STK24: variants seen among roughly 807,000 people sequenced by gnomAD.
STK24 encodes the protein serine/threonine-protein kinase 24.
STK24 carries 21 observed loss-of-function variants against 55.6 expected under a neutral mutation model. The observed-to-expected ratio is 0.38, with a 90% CI of 0.27 to 0.54. STK24 has a LOEUF of 0.54. Among genes scored for constraint, STK24 ranks in the 20% least tolerant of loss-of-function variants. The pLI is 0.79. For missense variants in STK24, 383 were observed against 538.4 expected, an observed-to-expected ratio of 0.71 and a Z score of 2.86; for synonymous variants, 200 against 215.2, an observed-to-expected ratio of 0.93 and a Z score of 0.62.
chr13:98,455,287 C>A (rs1879707626), intron 10 of STK24: 2 of 152,176 alleles, frequency 1.3e-5, no homozygotes, highest in African/African-American at 4.8e-5. Flanking sequence ...CACTCTGTTG[C>A]CCAGCCTGGA....
chr13:98,565,628 T>A lies in STK24; in HGVS notation c.42+11117A>T, dbSNP rs1256277226. The stretch of plus-strand genomic sequence containing the variant: ...GTCTGGGCACGAGAATGAGACTCCA[T>A]CTCAAAAAAAAAAAAAAAAAATTAT... On this transcript the variant is annotated intron_variant, in intron 1 of 10. Coordinates refer to ENST00000539966, the MANE Select transcript of STK24 (RefSeq NM_001032296.4). 5.6e-5 allele frequency among the ~76,000 whole-genome samples: 6 copies of A among 106,414 alleles called. No homozygotes were observed. In the East Asian group the frequency reaches 2.3e-3, roughly 40 times the overall value. The allele number at this position is 106,414 out of a possible 152,430, so 69.8% of individuals were successfully genotyped here.
intron 2 of STK24, among the ~76,000 whole-genome samples, chr13:98,485,476 C>A (rs1894770031): frequency 6.6e-6 from 1 of 152,180 alleles, no homozygotes; most frequent in South Asian, 2.1e-4. Flanking sequence ...ATATCTCAGG[C>A]ACTGATCTTA....
At chr13:98,487,765 C>T (rs1894861628) in intron 2 of STK24, among the ~76,000 whole-genome samples, 1 of 152,076 alleles carries the variant, frequency 6.6e-6, no homozygotes, top group African/African-American at 2.4e-5. Context: ...TTCGCTCTGA[C>T]GGCCCAGGTG....
chr13:98,458,139 T>C (rs988826122), intron 9 of STK24, among the ~76,000 whole-genome samples: 1 of 152,198 alleles, frequency 6.6e-6, no homozygotes, highest in African/African-American at 2.4e-5. Flanking sequence ...GAATCTCCAG[T>C]GTTCTTCCTG....
chr13:98,543,206 C>G (rs1594656374), intron 1 of STK24, among the ~76,000 whole-genome samples: 1 of 152,110 alleles, frequency 6.6e-6, no homozygotes, highest in Non-Finnish European at 1.5e-5. Flanking sequence ...AAAAAGAGAA[C>G]TAAACACTTG....
intron 2 of STK24, among the ~76,000 whole-genome samples, chr13:98,483,474 A>C (rs1594598521): frequency 6.6e-6 from 1 of 152,048 alleles, no homozygotes; most frequent in South Asian, 2.1e-4. Flanking sequence ...TAGAACACCC[A>C]AGGAAGACCC....
chr13:98,496,090 C>T (rs572754329), intron 2 of STK24, among the ~76,000 whole-genome samples: 1 of 152,372 alleles, frequency 6.6e-6, no homozygotes, highest in East Asian at 1.9e-4. Context: ...GCCCTACACT[C>T]ATGCGGGAGG....
intron 2 of STK24, among the ~76,000 whole-genome samples, chr13:98,501,055 G>A (rs1895439614): frequency 6.6e-6 from 1 of 152,036 alleles, no homozygotes. Context: ...GGAAAAAAAG[G>A]GAAACCACAA....
chr13:98,483,965 A>G (rs1243658559), intron 2 of STK24, among the ~76,000 whole-genome samples: 4 of 152,244 alleles, frequency 2.6e-5, no homozygotes, highest in African/African-American at 9.6e-5. Context: ...AATGCCCTTG[A>G]CTGCTAAGAT....
chr13:98,575,920 T>C (rs186763072), intron 1 of STK24: 135 of 532,220 alleles, frequency 2.5e-4, no homozygotes, highest in East Asian at 5.9e-4. Context: ...CTTTAACTTA[T>C]ACATGTAAAT....
chr13:98,466,536 G>T lies in STK24; in HGVS notation c.623C>A (p.Thr208Lys). The change falls in exon 6 of 11, where the codon ACA becomes AAA. Residue 208 changes from threonine to lysine, a missense_variant. Transcript: ENST00000539966. Reference sequence around the variant, plus strand: ...TTCCCCTCTTGCAAGTTCAATAGCTGTTATGCCCAGGGACCAGATGTCTGC... The same window carrying T: ...TTCCCCTCTTGCAAGTTCAATAGCTTTTATGCCCAGGGACCAGATGTCTGC... The part of the protein sequence containing the change: ...SKADIWSLGI[T>K]AIELARGEPP... 6.2e-7 allele frequency: 1 copy of T among 1,614,030 alleles called. No individual in the cohort carries two copies. The highest frequency in any genetic ancestry group is 8.5e-7 in the Non-Finnish European group (1 of 1,180,040).
chr13:98,538,952 T>C (rs1429905248), intron 1 of STK24, among the ~76,000 whole-genome samples: 1 of 152,162 alleles, frequency 6.6e-6, no homozygotes, highest in Non-Finnish European at 1.5e-5. Context: ...CTGGAAGGCA[T>C]TCGAAGGAGA....
rs370882237 is a variant in STK24 at position 98,457,238 on chromosome 13, A to G, written c.1189T>C (p.Tyr397His). 10 of 1,613,628 alleles carry G rather than the reference A, an allele frequency of 6.2e-6. No homozygotes were observed. In the African/African-American group the frequency reaches 1.2e-4, roughly 19 times the overall value. ...CCAGGGCACGCCTCCTCCGCTAGGT[A>G]GATGGCCCCTCGCAGCTCTTCAATG... is the stretch of plus-strand genomic sequence containing the variant. ...GSIEELRGAI[Y>H]LAEEACPGIS... The change falls in exon 10 of 11, where the codon TAC (tyrosine) becomes CAC (histidine). Residue 397 changes from tyrosine (Y) to histidine (H), a missense_variant. Physicochemically the swap from Tyr to His is moderately conservative, Grantham distance 83. Coordinates refer to ENST00000539966, the MANE Select transcript of STK24 (RefSeq NM_001032296.4).
At chr13:98,482,162 TGAAA>T (rs577594406) in intron 3 of STK24, 99 bp downstream of exon 3, 118 of 603,130 alleles carry the variant, frequency 2.0e-4, no homozygotes, top group African/African-American at 1.8e-3. Flanking sequence ...TAATGCAACT[TGAAA>T]GAAAGAAAAA....
chr13:98,460,426 C>T lies in STK24; in HGVS notation c.1068G>A (p.Pro356=), dbSNP rs4771305. The change falls in exon 9 of 11, where the codon CCG becomes CCA. Residue 356 remains proline, a synonymous_variant. Coordinates refer to ENST00000539966, the MANE Select transcript of STK24 (RefSeq NM_001032296.4). The part of the protein sequence containing the change: ...DLDRNKMKDI[P]KRPFSQCLST... ...ATAAACACTGAGAGAAAGGCCTCTT[C>T]GGGATGTCTTTCATCTTGGGGGAGA... is the stretch of plus-strand genomic sequence containing the variant. 1,613,079 of 1,613,452 alleles carry T rather than the reference C, an allele frequency of 1. 806,353 individuals carry two copies. The highest frequency in any genetic ancestry group is 1 in the Middle Eastern group (6,058 of 6,058).
intron 1 of STK24, among the ~76,000 whole-genome samples, chr13:98,545,211 G>A (rs751502039): frequency 3.9e-5 from 6 of 152,208 alleles, no homozygotes; most frequent in Non-Finnish European, 8.8e-5. Context: ...GTGGAATGAG[G>A]TACACTGAGA....
In STK24 at chr13:98,475,226, G is replaced by T. The variant is rs532111856; in HGVS notation, c.439+24C>A. The T allele has an allele frequency of 2.9e-5, 45 of 1,578,674 alleles. 2 individuals carry two copies. The South Asian group carries it at 4.2e-4, about 15-fold the overall frequency. ...CACCACCACCTTCAGTATTTCAAAG[G>T]AATGAAAACGGATGTCCTCTTACCT... On this transcript the variant is annotated intron_variant, in intron 4 of 10. Transcript: ENST00000539966.
Position 98,453,114 on chromosome 13 carries a change from A to G in STK24, c.*59T>C. 1.3e-6 allele frequency: 2 copies of G among 1,599,282 alleles called. No individual in the cohort carries two copies. Among genetic ancestry groups the G allele is most frequent in the East Asian group, 4.5e-5 (2 of 44,804 alleles). ...GCGAAGGCTCTCGTTGACTTTTAAA[A>G]AAGGAGGAGGATGAAGAAGGAAAAA... is the stretch of plus-strand genomic sequence containing the variant. On this transcript the variant is annotated 3_prime_UTR_variant, in exon 11 of 11. Transcript: ENST00000539966.
intron 1 of STK24, among the ~76,000 whole-genome samples, chr13:98,557,710 G>A (rs1271980482): frequency 6.6e-6 from 1 of 152,204 alleles, no homozygotes; most frequent in Admixed American, 6.5e-5. Flanking sequence ...CACTCAGCAT[G>A]GTCCCATGGG....
Sources: allele counts gnomAD v4.1 joint callset (sites outside exome capture counted in the v4.1 genomes callset), GRCh38; gene constraint gnomAD v4.1.1; transcripts MANE v1.5; gene names NCBI Gene and HGNC (gene_info 2026-07-23, HGNC 2026-07-21).